Variants in TAL1 observed in about 807,000 individuals in gnomAD.
TAL1 encodes the protein TAL bHLH transcription factor 1, erythroid differentiation factor.
Under a neutral mutation model 17.9 loss-of-function variants are expected in TAL1, and 8 were observed. The ratio of observed to expected loss-of-function variants is 0.45; its 90% CI spans 0.26 to 0.81. TAL1 has a LOEUF of 0.81. Ranked by LOEUF, TAL1 falls within the 30% of genes least tolerant of loss-of-function variation. TAL1 has a pLI of 0.17. For synonymous variants in TAL1, 223 were observed against 218.6 expected, an observed-to-expected ratio of 1.02 and a Z score of -0.18; for missense variants, 466 against 486.9, an observed-to-expected ratio of 0.96 and a Z score of 0.40.
upstream of TAL1, among the ~76,000 whole-genome samples, chr1:47,231,441 G>C (rs1644012490): frequency 6.6e-6 from 1 of 151,468 alleles, no homozygotes. Flanking sequence ...GACCACACAG[G>C]GTCCAGCCCC....
exon 4 of TAL1, chr1:47,220,043 T>G: frequency 6.2e-7 from 1 of 1,613,950 alleles, no homozygotes; most frequent in Non-Finnish European, 8.5e-7. Flanking sequence ...ATCTCATTCT[T>G]GCTGAGCTTC....
chr1:47,231,645 A>AC (rs1644016348), upstream of TAL1: 1 of 233,248 alleles, frequency 4.3e-6, no homozygotes, highest in African/African-American at 2.2e-5. Flanking sequence ...GGGGCCACAC[A>AC]CCCCCACACA....
intron 2 of TAL1, among the ~76,000 whole-genome samples, chr1:47,225,199 A>G (rs930051249): frequency 2.0e-5 from 3 of 152,038 alleles, no homozygotes; most frequent in African/African-American, 7.2e-5. Flanking sequence ...GCTTCCACAC[A>G]GCCATGCACC....
At chr1:47,220,765 T>TTG (rs1643774334) in intron 3 of TAL1, among the ~76,000 whole-genome samples, 2 of 152,178 alleles carry the variant, frequency 1.3e-5, no homozygotes, top group Admixed American at 1.3e-4. Flanking sequence ...CATGTATCAG[T>TTG]TTTTTGCTAA....
chr1:47,224,048 C>G, exon 3 of TAL1: 1 of 1,613,880 alleles, frequency 6.2e-7, no homozygotes, highest in Non-Finnish European at 8.5e-7. Context: ...CCTCTTCACT[C>G]GATTGTTGGT....
At chr1:47,230,623 C>T (rs1022647020), upstream of TAL1, 1 of 152,146 alleles carries the variant, frequency 6.6e-6, no homozygotes, top group Non-Finnish European at 1.5e-5. Context: ...TACCTCAAAC[C>T]CAGCAACTTA....
chr1:47,231,580 C>A (rs530047826), upstream of TAL1: 4 of 233,818 alleles, frequency 1.7e-5, no homozygotes, highest in South Asian at 1.8e-4. Context: ...CAATCCAGCA[C>A]AGTCGGGATC....
chr1:47,225,857 C>A (rs747554551), exon 2 of TAL1: 65 of 1,583,268 alleles, frequency 4.1e-5, no homozygotes, highest in Admixed American at 5.1e-5. Context: ...GGGGTCACTG[C>A]GAGCCGCCTC....
exon 4 of TAL1, chr1:47,219,215 G>C: frequency 2.3e-6 from 1 of 437,894 alleles, no homozygotes; most frequent in South Asian, 2.1e-5. Context: ...AAGCTGGATG[G>C]ATCAACATAG....
upstream of TAL1, chr1:47,230,018 G>A (rs1319306499): frequency 1.3e-5 from 2 of 152,118 alleles, no homozygotes; most frequent in East Asian, 1.9e-4. Context: ...CTGATTAAGA[G>A]AAAGAAGAAA....
At chr1:47,230,239 C>G (rs1455327164), upstream of TAL1, 2 of 152,072 alleles carry the variant, frequency 1.3e-5, no homozygotes, top group African/African-American at 4.8e-5. Context: ...AAAAACAAAC[C>G]CGACACTACT....
chr1:47,219,668 A>G (rs1341803013), exon 4 of TAL1: 3 of 1,600,774 alleles, frequency 1.9e-6, no homozygotes, highest in South Asian at 2.2e-5. Context: ...GAAGCCCACC[A>G]TCCCAGCAGC....
At chr1:47,225,771 C>G in exon 2 of TAL1, 1 of 1,554,692 alleles carries the variant, frequency 6.4e-7, no homozygotes, top group Non-Finnish European at 8.6e-7. Flanking sequence ...CGGCTCGTCT[C>G]CTTGGCGACG....
intron 3 of TAL1, among the ~76,000 whole-genome samples, chr1:47,222,630 C>G (rs1643839294): frequency 6.6e-6 from 1 of 152,078 alleles, no homozygotes; most frequent in Non-Finnish European, 1.5e-5. Context: ...CATACCCTAC[C>G]CTTCGCCTAC....
At chr1:47,223,858 G>T in intron 3 of TAL1, 146 bp downstream of exon 4, 1 of 759,884 alleles carries the variant, frequency 1.3e-6, no homozygotes, top group Non-Finnish European at 2.3e-6. Flanking sequence ...CTCAGCTGCA[G>T]GGTGAAGGGC....
At chr1:47,230,201 C>A (rs182282983), upstream of TAL1, 1 of 152,266 alleles carries the variant, frequency 6.6e-6, no homozygotes, top group East Asian at 1.9e-4. Flanking sequence ...TTTGTTACAG[C>A]AATAAACAAG....
At chr1:47,219,466 G>C (rs1645565032) in exon 4 of TAL1, 1 of 683,910 alleles carries the variant, frequency 1.5e-6, no homozygotes. Context: ...GGGACTGAGG[G>C]AAGAGGGAAG....
At chr1:47,224,214 C>T in intron 2 of TAL1, 116 bp from the exon 4 acceptor site, 1 of 846,138 alleles carries the variant, frequency 1.2e-6, no homozygotes, top group South Asian at 1.5e-5. Context: ...AACCCTGGTC[C>T]CTTCACACTT....
exon 2 of TAL1, chr1:47,225,739 T>C (rs751483362): frequency 6.5e-7 from 1 of 1,534,108 alleles, no homozygotes; most frequent in Non-Finnish European, 8.7e-7. Context: ...GTTCGATGAC[T>C]GGGGGCTCCG....
Sources: gnomAD v4.1 joint callset for allele counts (sites outside exome capture counted in the v4.1 genomes callset) on GRCh38, gnomAD v4.1.1 for gene constraint, MANE v1.5 for transcripts, NCBI Gene and HGNC (gene_info 2026-07-23, HGNC 2026-07-21) for gene names.